The following RUNX3 variants were observed in gnomAD, a reference collection of about 807,000 sequenced individuals.
The protein encoded by RUNX3 is runt-related transcription factor 3.
In RUNX3, 10 loss-of-function variants were observed where a neutral mutation model predicts 27.7. The ratio of observed to expected loss-of-function variants is 0.36; its 90% confidence interval spans 0.22 to 0.61. The LOEUF (loss-of-function observed/expected upper bound fraction) is 0.61, where lower values mean the gene tolerates loss of function less well. Ranked by LOEUF, RUNX3 falls within the 20% of genes least tolerant of loss-of-function variation. The probability of loss-of-function intolerance (pLI) is 0.72; values close to 1 mark genes in which losing one functional copy is unlikely to be tolerated. For synonymous variants in RUNX3, 270 were observed against 269.2 expected, an observed-to-expected ratio of 1.00 and a Z score of -0.03; for missense variants, 469 against 629.5, an observed-to-expected ratio of 0.75 and a Z score of 2.73.
At chr1:24,945,872 CT>C (rs1641592959) in intron 2 of RUNX3, among the ~76,000 whole-genome samples, 1 of 152,212 alleles carries the variant, frequency 6.6e-6, no homozygotes, top group East Asian at 1.9e-4. Flanking sequence ...GGCCCCCTCT[CT>C]TTCCCCTCCC....
At chr1:24,958,777 C>G (rs1306212164) in intron 2 of RUNX3, among the ~76,000 whole-genome samples, 2 of 152,190 alleles carry the variant, frequency 1.3e-5, no homozygotes, top group Non-Finnish European at 2.9e-5. Flanking sequence ...CTCAGGAGGA[C>G]AGGGCTCCCC....
chr1:24,929,436 G>C (rs925044950), intron 1 of RUNX3, 151 bp downstream of exon 1: 3 of 803,878 alleles, frequency 3.7e-6, no homozygotes, highest in East Asian at 2.7e-5. Flanking sequence ...TCCCGGAGCC[G>C]AGCGCGCAGC....
chr1:24,953,978 T>C (rs1557860319), intron 2 of RUNX3, among the ~76,000 whole-genome samples: 1 of 152,112 alleles, frequency 6.6e-6, no homozygotes, highest in Admixed American at 6.5e-5. Flanking sequence ...AGTGGCACGA[T>C]CATAGTTCAC....
intron 2 of RUNX3, among the ~76,000 whole-genome samples, chr1:24,951,440 A>G (rs1197643450): frequency 6.6e-6 from 1 of 152,138 alleles, no homozygotes. Context: ...ACTGAGTTTT[A>G]TGAATCTCCC....
At chr1:24,938,908 T>C (rs1382347922) in intron 2 of RUNX3, among the ~76,000 whole-genome samples, 1 of 152,080 alleles carries the variant, frequency 6.6e-6, no homozygotes, top group African/African-American at 2.4e-5. Context: ...TGTAGTAAGT[T>C]TCTATTTCTC....
rs144938536 is a variant in RUNX3, at chr1:24,952,164, A to T, written c.58+12350T>A. Among the ~76,000 whole-genome samples the T allele has an allele frequency of 6.6e-5, 10 of 152,348 alleles. No individual in the cohort carries two copies. The East Asian group carries it at 1.9e-3, about 29-fold the overall frequency. On this transcript the variant is annotated intron_variant, in intron 2 of 6. Transcript: ENST00000338888. ...CTTTTCCCTTTTGTATTTAGGATCC[A>T]GCAAATTTTCCTTTGAAATCTCAAT...
intron 2 of RUNX3, among the ~76,000 whole-genome samples, chr1:24,951,832 A>G (rs1465956858): frequency 1.3e-5 from 2 of 152,230 alleles, no homozygotes; most frequent in Non-Finnish European, 2.9e-5. Context: ...AATAGGCCTC[A>G]TAAGAGCTTT....
intron 3 of RUNX3, among the ~76,000 whole-genome samples, chr1:24,914,454 C>G (rs1385288512): frequency 1.3e-5 from 2 of 152,210 alleles, no homozygotes; most frequent in African/African-American, 4.8e-5. Context: ...AGGCGGGTGC[C>G]GGGCCTGGGG....
intron 2 of RUNX3, among the ~76,000 whole-genome samples, chr1:24,948,947 C>T (rs548834847): frequency 3.3e-4 from 50 of 152,042 alleles, no homozygotes; most frequent in African/African-American, 1.1e-3. Flanking sequence ...ACCTCCCTGC[C>T]TCCTGCTGCT....
rs1029609284 is a variant in RUNX3, at chr1:24,950,342, C to T, written c.58+14172G>A. On this transcript the variant is annotated intron_variant, in intron 2 of 6. Transcript: ENST00000338888. The stretch of plus-strand genomic sequence containing the variant: ...TGCAGATTCCAACCCCTTTCTCCTC[C>T]CCATGCCTGCCTCAGTGGAGGGCGG... Among the ~76,000 whole-genome samples the T allele has an allele frequency of 2.6e-5, 4 of 152,292 alleles. 1 individual carries two copies. The highest frequency in any genetic ancestry group is 1.9e-4 in the East Asian group (1 of 5,188).
chr1:24,920,369 T>C (rs1640975608), intron 2 of RUNX3, among the ~76,000 whole-genome samples: 1 of 152,142 alleles, frequency 6.6e-6, no homozygotes, highest in Non-Finnish European at 1.5e-5. Flanking sequence ...CGGGCGCGGA[T>C]CCCTCTTGGA....
intron 2 of RUNX3, among the ~76,000 whole-genome samples, chr1:24,940,732 C>CAAA (rs34576113): frequency 7.9e-6 from 1 of 126,592 alleles, no homozygotes; most frequent in South Asian, 2.6e-4. Flanking sequence ...CTGTATCTAC[C>CAAA]AAAAAAAAAA....
At chr1:24,933,434 C>G (rs1485798273), upstream of RUNX3, among the ~76,000 whole-genome samples, 1 of 152,228 alleles carries the variant, frequency 6.6e-6, no homozygotes, top group African/African-American at 2.4e-5. Context: ...CCTCTCAATC[C>G]TTGCTGGGGG....
At position 24,904,037 on chromosome 1, in the gene RUNX3, T is replaced by A. The variant is rs1007958447; in HGVS notation, c.704-1371A>T. On this transcript the variant is annotated intron_variant, in intron 4 of 4. Coordinates refer to ENST00000308873, the MANE Select transcript of RUNX3 (RefSeq NM_004350.3). This position sits in a 1 kb window ranked among gnomAD's most constrained non-coding sequence, Gnocchi z 5.7. The stretch of plus-strand genomic sequence containing the variant: ...TGGGTACCCAGGAGAACTGGCTCAT[T>A]CAGGGCCCTGCCAAGTTGAGGCCCT... Among the ~76,000 whole-genome samples the A allele has an allele frequency of 1.3e-5, 2 of 152,126 alleles. No individual in the cohort carries two copies. Among genetic ancestry groups the A allele is most frequent in the Admixed American group, 6.5e-5 (1 of 15,276 alleles).
rs150530417 is a variant in RUNX3, at chr1:24,919,046, C to T, written c.544+194G>A. On this transcript the variant is annotated intron_variant, in intron 3 of 4. Coordinates refer to ENST00000308873, the MANE Select transcript of RUNX3 (RefSeq NM_004350.3). ...CAGTCATCTCCACTCCCAGCCTCCT[C>T]GCTGGCCTCCCACGGTCTCAGGCTA... 1.1e-4 allele frequency among the ~76,000 whole-genome samples: 17 copies of T among 152,370 alleles called. No homozygotes were observed. The East Asian group carries it at 2.7e-3, about 24-fold the overall frequency.
In RUNX3 at chr1:24,939,936, G is replaced by T. The variant is rs1641437732; in HGVS notation, c.59-10084C>A. Among the ~76,000 whole-genome samples, 5 of 152,340 alleles carry T rather than the reference G, an allele frequency of 3.3e-5. No homozygotes were observed. In the South Asian group the frequency reaches 8.3e-4, roughly 25 times the overall value. On this transcript the variant is annotated intron_variant, in intron 2 of 6. Transcript: ENST00000338888. ...CCCTAGGCCAACACATGGCCTCTCT[G>T]GGCTTCATCCTGAGCCCCCTCTGTT... is the stretch of plus-strand genomic sequence containing the variant.
Position 24,930,229 on chromosome 1 carries a change from C to T in RUNX3, c.-361G>A. 3 of 982,478 alleles carry T rather than the reference C, an allele frequency of 3.1e-6. No individual in the cohort carries two copies. Among genetic ancestry groups the T allele is most frequent in the Non-Finnish European group, 3.6e-6 (3 of 828,684 alleles). 60.9% of individuals were successfully genotyped at this position (982,478 alleles called of 1,614,324 possible). On this transcript the variant is annotated 5_prime_UTR_variant, in exon 1 of 5. Transcript: ENST00000308873. This position sits in a 1 kb window ranked among gnomAD's most constrained non-coding sequence, Gnocchi z 4.1. ...CCCCGAAGCTCGCCCGCGGCCGCCC[C>T]GACTCCGCGGCCGCAGCCCCAGAAC...
chr1:24,958,305 C>T (rs1484487773), intron 2 of RUNX3, among the ~76,000 whole-genome samples: 1 of 152,188 alleles, frequency 6.6e-6, no homozygotes, highest in East Asian at 1.9e-4. Context: ...CAGTTTAAGC[C>T]TAGATTGTTC....
At chr1:24,907,162 G>T in intron 4 of RUNX3, 97 bp downstream of exon 4, 1 of 1,294,086 alleles carries the variant, frequency 7.7e-7, no homozygotes, top group Non-Finnish European at 1.1e-6. Flanking sequence ...TGCAGTGACT[G>T]ATCTTCGGAC....
Sources: gnomAD v4.1 joint callset for allele counts (sites outside exome capture counted in the v4.1 genomes callset) on GRCh38, gnomAD v4.1.1 for gene constraint, Gnocchi (gnomAD v3.1) non-coding constraint, MANE v1.5 for transcripts, NCBI Gene and HGNC (gene_info 2026-07-23, HGNC 2026-07-21) for gene names.